The following RGS22 variants were observed in gnomAD, a reference collection of about 807,000 sequenced individuals.
RGS22 encodes regulator of G-protein signaling 22.
RGS22 carries 148 observed loss-of-function variants against 172.9 expected under a neutral mutation model. That is an observed-to-expected ratio of 0.86 (90% CI 0.75 to 0.98). The LOEUF (loss-of-function observed/expected upper bound fraction) is 0.98, where lower values mean the gene tolerates loss of function less well. Among genes scored for constraint, RGS22 ranks in the 50% least tolerant of loss-of-function variants. The pLI is 0.00. For synonymous variants in RGS22, 458 were observed against 480.2 expected, an observed-to-expected ratio of 0.95 and a Z score of 0.60; for missense variants, 1,347 against 1,440.8, an observed-to-expected ratio of 0.93 and a Z score of 1.05.
rs1814749131 is a variant in RGS22 at position 99,999,360 on chromosome 8, G to A, written c.2851C>T (p.Leu951=). 6.2e-7 allele frequency: 1 copy of A among 1,613,714 alleles called. No homozygotes were observed. The highest frequency in any genetic ancestry group is 1.7e-5 in the Admixed American group (1 of 59,942). ...ILHEQLDAPV[L]VEIQKHVQNR... The stretch of plus-strand genomic sequence containing the variant: ...TGCACATGCTTCTGGATTTCAACTA[G>A]AACAGGTGCATCAAGCTGCTCATGA... Residue 951 remains leucine, a synonymous_variant, in exon 19 of 28, where the codon CTA becomes TTA. Coordinates refer to ENST00000360863, the MANE Select transcript of RGS22 (RefSeq NM_015668.5).
chr8:100,031,034 A>C (rs754941135), intron 14 of RGS22, among the ~76,000 whole-genome samples: 15 of 152,200 alleles, frequency 9.9e-5, no homozygotes, highest in Non-Finnish European at 1.8e-4. Context: ...GATGAAGATA[A>C]TGATTAATTT....
At chr8:100,012,978 A>ATTTTTTTTTT (rs35339430) in intron 14 of RGS22, among the ~76,000 whole-genome samples, 1 of 88,744 alleles carries the variant, frequency 1.1e-5, no homozygotes, top group African/African-American at 4.4e-5. Context: ...AACGCCTTTG[A>ATTTTTTTTTT]TTTTTTTTTT....
chr8:100,100,257 T>C (rs1813360214), intron 2 of RGS22, among the ~76,000 whole-genome samples: 1 of 152,264 alleles, frequency 6.6e-6, no homozygotes, highest in Admixed American at 6.5e-5. Context: ...AAATGGTTGT[T>C]ATCCTATATT....
chr8:99,995,572 C>T (rs189616939), intron 20 of RGS22, among the ~76,000 whole-genome samples: 37 of 152,284 alleles, frequency 2.4e-4, no homozygotes, highest in Admixed American at 7.8e-4. Flanking sequence ...TACCATCTCA[C>T]GCCAGCTGGA....
intron 2 of RGS22, among the ~76,000 whole-genome samples, chr8:100,100,052 T>G (rs772688879): frequency 1.2e-4 from 18 of 152,182 alleles, no homozygotes; most frequent in Non-Finnish European, 2.6e-4. Context: ...TTATGGACCT[T>G]TATTCTATAC....
chr8:100,066,209 G>A lies in RGS22; in HGVS notation c.682C>T (p.Pro228Ser), dbSNP rs772703177. ...GCTGGTGATTTAAGTTTGTTGTAGG[G>A]TACACAACAGGGTAACGAAAAGGTT... ...VSTFSLPCCV[P>S]YNKLKSPAIS... Residue 228 changes from proline (P) to serine (S), a missense_variant, in exon 7 of 28, where the codon CCC becomes TCC. Transcript: ENST00000360863. The A allele has an allele frequency of 3.1e-6, 5 of 1,612,280 alleles. No individual in the cohort carries two copies. Among genetic ancestry groups the A allele is most frequent in the Non-Finnish European group, 4.2e-6 (5 of 1,178,412 alleles).
At chr8:99,962,556 TG>T in intron 26 of RGS22, 113 bp from the exon 27 acceptor site, 3 of 1,421,038 alleles carry the variant, frequency 2.1e-6, no homozygotes, top group Non-Finnish European at 2.9e-6. Context: ...TCTCCTAAGT[TG>T]GGGGGCAGAA....
intron 14 of RGS22, among the ~76,000 whole-genome samples, chr8:100,008,812 A>T (rs1438584718): frequency 6.6e-6 from 1 of 152,208 alleles, no homozygotes; most frequent in Non-Finnish European, 1.5e-5. Context: ...GATTACAAAA[A>T]TCTGAGGAAG....
At position 100,053,115 on chromosome 8, in the gene RGS22, C is replaced by G. The variant is rs1274032351; in HGVS notation, c.1515-139G>C. The G allele has an allele frequency of 9.4e-6, 7 of 743,894 alleles. No homozygotes were observed. In the East Asian group the frequency reaches 1.8e-4, roughly 19 times the overall value. 46.1% of individuals were successfully genotyped at this position (743,894 alleles called of 1,614,324 possible). ...TTTCTAACAACTTTTACTTCTTTCT[C>G]TACTACATAGCCTTGAAAAAATATT... On this transcript the variant is annotated intron_variant, in intron 9 of 27. Coordinates refer to ENST00000360863, the MANE Select transcript of RGS22 (RefSeq NM_015668.5).
rs536913047 is a variant in RGS22 at position 100,036,204 on chromosome 8, A to G, written c.2166+2727T>C. On this transcript the variant is annotated intron_variant, in intron 14 of 27. Coordinates refer to ENST00000360863, the MANE Select transcript of RGS22 (RefSeq NM_015668.5). ...GATCTACAGTAACAATCTGGTCTCC[A>G]AATCTTAGTAGTGGTATATGGTTCC... Among the ~76,000 whole-genome samples, 48 of 152,082 alleles carry G rather than the reference A, an allele frequency of 3.2e-4. 1 individual carries two copies. The South Asian group carries it at 9.7e-3, about 31-fold the overall frequency.
intron 10 of RGS22, among the ~76,000 whole-genome samples, chr8:100,049,353 G>T (rs916009611): frequency 6.6e-6 from 1 of 152,148 alleles, no homozygotes; most frequent in East Asian, 1.9e-4. Flanking sequence ...CTATTCCTTA[G>T]AGTATTTTCT....
At chr8:100,092,114 C>A (rs1282149573) in intron 3 of RGS22, 1 of 152,054 alleles carries the variant, frequency 6.6e-6, no homozygotes, top group Non-Finnish European at 1.5e-5. Flanking sequence ...CTGAATAGTA[C>A]TTTCCCTTCA....
chr8:100,036,246 A>G (rs886663877), intron 14 of RGS22, among the ~76,000 whole-genome samples: 7 of 151,926 alleles, frequency 4.6e-5, no homozygotes, highest in African/African-American at 7.3e-5. Context: ...AGCTGTCGCT[A>G]GGGTCAAAGA....
intron 14 of RGS22, among the ~76,000 whole-genome samples, chr8:100,029,702 CAAAAAAAAAAA>C (rs369058108): frequency 9.7e-5 from 6 of 62,016 alleles, no homozygotes; most frequent in South Asian, 5.8e-4. Flanking sequence ...AACTCCGTCT[CAAAAAAAAAAA>C]AAAAAAAAAA....
At chr8:99,985,964 CA>C (rs903958264) in intron 21 of RGS22, among the ~76,000 whole-genome samples, 5 of 151,904 alleles carry the variant, frequency 3.3e-5, no homozygotes, top group Admixed American at 2.0e-4. Context: ...TTTCTAATCT[CA>C]AAAAAATTAT....
intron 2 of RGS22, among the ~76,000 whole-genome samples, chr8:100,100,304 T>G (rs1396655013): frequency 6.6e-6 from 1 of 151,758 alleles, no homozygotes; most frequent in Admixed American, 6.6e-5. Flanking sequence ...TTTTTTTTTT[T>G]TTTGAGACGT....
In RGS22 at chr8:99,996,553, T is replaced by C. The variant is rs372468021; in HGVS notation, c.2950-23A>G. 9.5e-6 allele frequency: 15 copies of C among 1,587,220 alleles called. No individual in the cohort carries two copies. The African/African-American group carries it at 1.8e-4, about 19-fold the overall frequency. ...TACCTGAAAGCAAAACCAATTATTT[T>C]ATCCCAGTTATTCAGACTAAAGGCT... is the stretch of plus-strand genomic sequence containing the variant. On this transcript the variant is annotated intron_variant, in intron 19 of 27. Transcript: ENST00000360863.
At chr8:99,989,865 T>C (rs374869605) in intron 20 of RGS22, among the ~76,000 whole-genome samples, 57 of 94,840 alleles carry the variant, frequency 6.0e-4, no homozygotes, top group East Asian at 2.7e-3. Context: ...GACAGACAGA[T>C]AGATAGATAG....
chr8:100,061,197 A>T (rs1273842910), intron 9 of RGS22, among the ~76,000 whole-genome samples: 3 of 152,196 alleles, frequency 2.0e-5, no homozygotes, highest in Non-Finnish European at 4.4e-5. Flanking sequence ...CTTAAAAGCT[A>T]TAAAAACCAT....
Sources: gnomAD v4.1 joint callset for allele counts (sites outside exome capture counted in the v4.1 genomes callset) on GRCh38, gnomAD v4.1.1 for gene constraint, MANE v1.5 for transcripts, NCBI Gene and HGNC (gene_info 2026-07-23, HGNC 2026-07-21) for gene names.